ZSWIM6: variants seen among roughly 807,000 people sequenced by gnomAD.
The protein encoded by ZSWIM6 is zinc finger SWIM domain-containing protein 6.
A neutral mutation model predicts 113.2 loss-of-function variants in ZSWIM6; 9 were observed. The ratio of observed to expected loss-of-function variants is 0.08; its 90% CI spans 0.05 to 0.14. The LOEUF (loss-of-function observed/expected upper bound fraction) is 0.14. ZSWIM6 is among the 10% of genes least tolerant of loss of function. ZSWIM6 has a pLI of 1.00. For synonymous variants in ZSWIM6, 611 were observed against 606.5 expected, an observed-to-expected ratio of 1.01 and a Z score of -0.11; for missense variants, 1,162 against 1,552.2, an observed-to-expected ratio of 0.75 and a Z score of 4.22.
At chr5:61,415,093 C>T (rs1746219747) in intron 1 of ZSWIM6, among the ~76,000 whole-genome samples, 1 of 152,180 alleles carries the variant, frequency 6.6e-6, no homozygotes, top group Non-Finnish European at 1.5e-5. Flanking sequence ...AGCTGATGCT[C>T]CTCGTACTGT....
rs922793431 is a variant in ZSWIM6, at chr5:61,535,521, G to C, written c.2283G>C (p.Arg761=). Residue 761 remains arginine, a synonymous_variant, in exon 10 of 14, where the codon CGG becomes CGC. Coordinates refer to ENST00000252744, the MANE Select transcript of ZSWIM6 (RefSeq NM_020928.2). ...PYSGLGEIIH[R]ESVPMHTFAK... The stretch of plus-strand genomic sequence containing the variant: ...GTGGTTTAGGTGAAATAATCCATCG[G>C]GAGAGCGTTCCAATGCACACATTTG... 2 of 1,551,332 alleles carry C rather than the reference G, an allele frequency of 1.3e-6. No individual in the cohort carries two copies. The highest frequency in any genetic ancestry group is 1.7e-6 in the Non-Finnish European group (2 of 1,146,746).
chr5:61,381,396 C>CTT (rs1347995183), intron 1 of ZSWIM6, among the ~76,000 whole-genome samples: 1 of 152,180 alleles, frequency 6.6e-6, no homozygotes, highest in Non-Finnish European at 1.5e-5. Flanking sequence ...CTGGGACTTA[C>CTT]TTTTTAAAGA....
chr5:61,504,828 A>AT (rs1748557274), intron 4 of ZSWIM6, among the ~76,000 whole-genome samples: 1 of 152,180 alleles, frequency 6.6e-6, no homozygotes, highest in Non-Finnish European at 1.5e-5. Context: ...TAGGAGACAA[A>AT]TTAACAAGAA....
intron 1 of ZSWIM6, among the ~76,000 whole-genome samples, chr5:61,453,714 C>CTTT (rs549126032): frequency 6.9e-6 from 1 of 144,980 alleles, no homozygotes; most frequent in African/African-American, 2.5e-5. Flanking sequence ...ATAACCATGC[C>CTTT]TTTTTTTTTT....
intron 12 of ZSWIM6, among the ~76,000 whole-genome samples, chr5:61,540,053 G>A (rs879458294): frequency 1.3e-5 from 2 of 152,144 alleles, no homozygotes; most frequent in Admixed American, 6.5e-5. Flanking sequence ...TTTGAATGAA[G>A]GGAGAAGAAT....
chr5:61,361,113 A>G (rs1008980936), intron 1 of ZSWIM6, among the ~76,000 whole-genome samples: 5 of 152,034 alleles, frequency 3.3e-5, no homozygotes, highest in African/African-American at 9.7e-5. Context: ...GTAGGTCCCA[A>G]TGTGGACTTT....
intron 6 of ZSWIM6, 109 bp downstream of exon 6, chr5:61,526,085 T>G: frequency 7.0e-7 from 1 of 1,436,476 alleles, no homozygotes; most frequent in South Asian, 1.4e-5. Flanking sequence ...GGGAGATGGA[T>G]GAATGCTTGG....
chr5:61,376,362 A>G (rs972364630), intron 1 of ZSWIM6, among the ~76,000 whole-genome samples: 6 of 151,280 alleles, frequency 4.0e-5, no homozygotes, highest in East Asian at 3.9e-4. Context: ...GTGGTTTGCT[A>G]TCTCTTTAGC....
At chr5:61,471,179 G>T (rs1296375170) in intron 1 of ZSWIM6, among the ~76,000 whole-genome samples, 1 of 152,210 alleles carries the variant, frequency 6.6e-6, no homozygotes. Flanking sequence ...GCTTCACTGT[G>T]TAGCATTCAA....
chr5:61,336,380 A>T (rs1205683295), intron 1 of ZSWIM6, among the ~76,000 whole-genome samples: 2 of 152,200 alleles, frequency 1.3e-5, no homozygotes, highest in Non-Finnish European at 2.9e-5. Flanking sequence ...TAAAAAAAAA[A>T]TTTCCCCAAG....
chr5:61,454,433 T>G (rs939412177), intron 1 of ZSWIM6, among the ~76,000 whole-genome samples: 1 of 151,726 alleles, frequency 6.6e-6, no homozygotes, highest in Non-Finnish European at 1.5e-5. Flanking sequence ...TTTTTAAATT[T>G]TTTGTAGAGA....
chr5:61,354,212 T>G (rs1744850825), intron 1 of ZSWIM6, among the ~76,000 whole-genome samples: 1 of 152,198 alleles, frequency 6.6e-6, no homozygotes. Context: ...TATTCCATAG[T>G]TGGATCTACC....
rs1167550225 is a variant in ZSWIM6 at position 61,494,344 on chromosome 5, C to A, written c.1267C>A (p.Leu423Met). The A allele has an allele frequency of 6.4e-7, 1 of 1,551,186 alleles. No homozygotes were observed. ...ITEQFMADPRLSLWRQQGTAM... is the reference protein window; with the variant it reads ...ITEQFMADPRMSLWRQQGTAM... ...AGAGCAATTCATGGCTGACCCTCGC[C>A]TGTCACTTTGGCGGCAACAAGGCAC... is the stretch of plus-strand genomic sequence containing the variant. The change falls in exon 4 of 14, where the codon CTG becomes ATG. Residue 423 changes from leucine to methionine, a missense_variant. Physicochemically the swap from Leu to Met is conservative, Grantham distance 15. Around this residue, in one of 4 missense-constraint regions of ZSWIM6, gnomAD observed 620 missense variants for 804.6 expected, o/e 0.77. Transcript: ENST00000252744.
chr5:61,425,188 GA>G lies in ZSWIM6; in HGVS notation c.677-47487del, dbSNP rs1746441549. On this transcript the variant is annotated intron_variant, in intron 1 of 13. Transcript: ENST00000252744. ...CATTGCTTTCTGTACCCCTAAGGAA[GA>G]AAAAATATTGTCCATGGAACTATGA... 3.3e-5 allele frequency among the ~76,000 whole-genome samples: 5 copies of G among 152,148 alleles called. No individual in the cohort carries two copies. The South Asian group carries it at 1.0e-3, about 32-fold the overall frequency.
chr5:61,408,301 A>G (rs1274788378), intron 1 of ZSWIM6, among the ~76,000 whole-genome samples: 3 of 152,238 alleles, frequency 2.0e-5, no homozygotes, highest in Admixed American at 6.5e-5. Flanking sequence ...TGAGGGACGA[A>G]GTTGGAGGGA....
intron 1 of ZSWIM6, among the ~76,000 whole-genome samples, chr5:61,416,017 A>G (rs1561228751): frequency 6.6e-6 from 1 of 151,844 alleles, no homozygotes. Flanking sequence ...GTGGATCGTA[A>G]TCTAAATCTA....
chr5:61,343,904 G>A (rs1221036029), intron 1 of ZSWIM6, among the ~76,000 whole-genome samples: 1 of 134,402 alleles, frequency 7.4e-6, no homozygotes, highest in Non-Finnish European at 1.6e-5. Flanking sequence ...TTTTTTTGGT[G>A]AGACAGAGTG....
Position 61,357,967 on chromosome 5 carries a change from T to C in ZSWIM6, c.676+25019T>C, listed in dbSNP as rs558541636. 1.6e-3 allele frequency among the ~76,000 whole-genome samples: 247 copies of C among 152,350 alleles called. 9 individuals are homozygous for C. The highest frequency in any genetic ancestry group is 1.5e-3 in the Non-Finnish European group (104 of 68,034). Reference sequence around the variant, plus strand: ...GTCCTTGGTTGTTAGCGCCATCTTATGGCAGACGTGGGAAAGTTGCCTCCT... The same window carrying C: ...GTCCTTGGTTGTTAGCGCCATCTTACGGCAGACGTGGGAAAGTTGCCTCCT... On this transcript the variant is annotated intron_variant, in intron 1 of 13. Transcript: ENST00000252744.
chr5:61,336,188 C>A (rs539587523), intron 1 of ZSWIM6, among the ~76,000 whole-genome samples: 1 of 152,208 alleles, frequency 6.6e-6, no homozygotes, highest in East Asian at 1.9e-4. Context: ...CACTTGAGCC[C>A]AGGAGGCAGA....
Sources: allele counts gnomAD v4.1 joint callset (sites outside exome capture counted in the v4.1 genomes callset), GRCh38; gene constraint gnomAD v4.1.1; regional missense constraint gnomAD v4.1.1; transcripts MANE v1.5; gene names NCBI Gene and HGNC (gene_info 2026-07-23, HGNC 2026-07-21).